TIMELESS: variants seen among roughly 807,000 people sequenced by gnomAD.
TIMELESS encodes the protein timeless circadian regulator, also known as protein timeless homolog.
Under a neutral mutation model 164.3 loss-of-function variants are expected in TIMELESS, and 124 were observed. The observed-to-expected ratio is 0.75, with a 90% CI of 0.65 to 0.88. The LOEUF is 0.88. Ranked by LOEUF, TIMELESS falls within the 40% of genes least tolerant of loss-of-function variation. The probability of loss-of-function intolerance (pLI) is 0.00; values close to 1 mark genes in which losing one functional copy is unlikely to be tolerated. For missense variants in TIMELESS, 1,422 were observed against 1,491.4 expected, an observed-to-expected ratio of 0.95 and a Z score of 0.77; for synonymous variants, 564 against 563.4, an observed-to-expected ratio of 1.00 and a Z score of -0.02.
At position 56,428,327 on chromosome 12, in the gene TIMELESS, CG is replaced by C. The variant is rs770268153; in HGVS notation, c.1486del (p.Arg496AlafsTer45). On this transcript the variant is annotated frameshift_variant, in exon 13 of 29. Transcript: ENST00000553532. LOFTEE classifies it high-confidence loss of function. ...CTCCACCAGGTCACGAAGGAAAGAG[CG>C]GGGCTGGCATCTCTCATCAAACTTT... ...FRKFDERCQP[R>X]SFLRDLVETT... 5.0e-6 allele frequency: 8 copies of C among 1,613,448 alleles called. No individual in the cohort carries two copies. Among genetic ancestry groups the C allele is most frequent in the Non-Finnish European group, 6.8e-6 (8 of 1,179,636 alleles).
In TIMELESS at chr12:56,433,567, C is replaced by G; in HGVS notation, c.337G>C (p.Val113Leu). 1 of 1,614,198 alleles carries G rather than the reference C, an allele frequency of 6.2e-7. No homozygotes were observed. Residue 113 changes from valine (V) to leucine (L), a missense_variant, in exon 4 of 29, where the codon GTG (valine) becomes CTG (leucine). Transcript: ENST00000553532. ...EPSFRHHFLQ[V>L]LTYLQAYKEA... ...TTGTAGGCCTGCAAATAAGTTAGCA[C>G]CTGCAAAAAATGGTGCCGAAAGCTG... is the stretch of plus-strand genomic sequence containing the variant.
At chr12:56,419,459 A>AGTGAGTGTGT (rs1555176393) in intron 26 of TIMELESS, among the ~76,000 whole-genome samples, 1 of 147,936 alleles carries the variant, frequency 6.8e-6, no homozygotes, top group Non-Finnish European at 1.5e-5. Context: ...AGACAGATGG[A>AGTGAGTGTGT]GTGTGTGTGT....
chr12:56,423,507 G>C (rs1881569631), intron 17 of TIMELESS, 32 bp from the exon 18 acceptor site: 1 of 1,613,418 alleles, frequency 6.2e-7, no homozygotes, highest in Non-Finnish European at 8.5e-7. Flanking sequence ...GAGGATGTCA[G>C]CATAAGGAAG....
intron 1 of TIMELESS, among the ~76,000 whole-genome samples, chr12:56,443,784 G>A (rs535620140): frequency 1.3e-5 from 2 of 152,224 alleles, no homozygotes; most frequent in Non-Finnish European, 2.9e-5. Flanking sequence ...TGACACTTAG[G>A]GAAAATAGAA....
rs73326234 is a variant in TIMELESS, at chr12:56,426,297, C to T, written c.1579-1145G>A. Reference sequence around the variant, plus strand: ...GCAAAAATACCCTTTAGCAAAGTCTCGTTGGTACTACTGCATCTTTCAAGT... The same window carrying T: ...GCAAAAATACCCTTTAGCAAAGTCTTGTTGGTACTACTGCATCTTTCAAGT... On this transcript the variant is annotated intron_variant, in intron 13 of 28. Coordinates refer to ENST00000553532, the MANE Select transcript of TIMELESS (RefSeq NM_003920.5). Among the ~76,000 whole-genome samples, 1,297 of 151,886 alleles carry T rather than the reference C, an allele frequency of 8.5e-3. 21 individuals carry two copies. The highest frequency in any genetic ancestry group is 0.029 in the African/African-American group (1,210 of 41,426).
At chr12:56,419,762 C>T (rs1194148674) in intron 26 of TIMELESS, among the ~76,000 whole-genome samples, 4 of 150,696 alleles carry the variant, frequency 2.7e-5, no homozygotes, top group African/African-American at 4.9e-5. Context: ...CACTGTAGAT[C>T]GACAATATTA....
In TIMELESS at chr12:56,447,103, G is replaced by A. The variant is rs576678521; in HGVS notation, c.-62+2207C>T. On this transcript the variant is annotated intron_variant, in intron 1 of 28. Coordinates refer to ENST00000553532, the MANE Select transcript of TIMELESS (RefSeq NM_003920.5). Reference sequence around the variant, plus strand: ...CGGCTCACTGCAACCTCCGCCTCCCGGGTTCAAGTGATTCTCCTGCCTCAG... The same window carrying A: ...CGGCTCACTGCAACCTCCGCCTCCCAGGTTCAAGTGATTCTCCTGCCTCAG... 9.6e-4 allele frequency among the ~76,000 whole-genome samples: 143 copies of A among 149,184 alleles called. 2 individuals are homozygous for A. In the Middle Eastern group the frequency reaches 0.021, roughly 22 times the overall value.
rs1868272561 is a variant in TIMELESS, at chr12:56,441,436, A to C, written c.-61-7205T>G. Among the ~76,000 whole-genome samples, 3 of 152,016 alleles carry C rather than the reference A, an allele frequency of 2.0e-5. No individual in the cohort carries two copies. The South Asian group carries it at 6.2e-4, about 32-fold the overall frequency. On this transcript the variant is annotated intron_variant, in intron 1 of 28. Coordinates refer to ENST00000553532, the MANE Select transcript of TIMELESS (RefSeq NM_003920.5). The stretch of plus-strand genomic sequence containing the variant: ...CAGGAGTTTGAGACCAGCCTGGGCA[A>C]CATAGCGAAGCCCAGTCTCCACAAA...
chr12:56,428,663 A>G lies in TIMELESS; in HGVS notation c.1305-11T>C, dbSNP rs746572164. The G allele has an allele frequency of 6.2e-7, 1 of 1,611,352 alleles. No homozygotes were observed. Among genetic ancestry groups the G allele is most frequent in the Non-Finnish European group, 8.5e-7 (1 of 1,177,620 alleles). ...AGAGCCAAGTGCATCCTGAGAGTTGACGGGAAACGGTGAAATGGAGGACAG... is the reference window on the plus strand; with the variant it reads ...AGAGCCAAGTGCATCCTGAGAGTTGGCGGGAAACGGTGAAATGGAGGACAG... On this transcript the variant is annotated splice_polypyrimidine_tract_variant and intron_variant, in intron 11 of 28. Transcript: ENST00000553532.
intron 11 of TIMELESS, 76 bp from the exon 12 acceptor site, chr12:56,428,728 C>T (rs111405393): frequency 9.0e-6 from 13 of 1,443,038 alleles, no homozygotes; most frequent in African/African-American, 7.2e-5. Flanking sequence ...CTTCCCACAG[C>T]GAAAAAAAAA....
intron 5 of TIMELESS, 110 bp downstream of exon 5, chr12:56,433,271 G>A (rs935535433): frequency 1.3e-5 from 18 of 1,401,810 alleles, no homozygotes; most frequent in Admixed American, 8.7e-5. Context: ...ACTATGGATC[G>A]GACTACCACA....
At chr12:56,446,861 T>C (rs547973160) in intron 1 of TIMELESS, among the ~76,000 whole-genome samples, 1 of 151,628 alleles carries the variant, frequency 6.6e-6, no homozygotes, top group East Asian at 1.9e-4. Flanking sequence ...GACTTCTCCA[T>C]ACAGAAGTGA....
Position 56,424,715 on chromosome 12 carries a change from T to C in TIMELESS, c.1868+47A>G, listed in dbSNP as rs771866897. The C allele has an allele frequency of 3.1e-6, 5 of 1,598,080 alleles. No homozygotes were observed. The African/African-American group carries it at 4.0e-5, about 13-fold the overall frequency. ...AGAACACTGTACCGCAGTGATGGCC[T>C]CCTCCTTCCCCCAAAGCCCAAGAGG... is the stretch of plus-strand genomic sequence containing the variant. On this transcript the variant is annotated intron_variant, in intron 15 of 28. Coordinates refer to ENST00000553532, the MANE Select transcript of TIMELESS (RefSeq NM_003920.5).
chr12:56,425,132 C>A lies in TIMELESS; in HGVS notation c.1599G>T (p.Arg533Ser), dbSNP rs372928598. Residue 533 changes from arginine to serine, a missense_variant, in exon 14 of 29, where the codon AGG (arginine) becomes AGT (serine). Arg to Ser is a moderately radical substitution (Grantham distance 110). Coordinates refer to ENST00000553532, the MANE Select transcript of TIMELESS (RefSeq NM_003920.5). ...LVVQNKQKKR[R>S]KKKKKVLDQA... ...GGTCTAGGACCTTCTTCTTCTTCTT[C>A]CTTCTCTTCTTTTGTTTGTTCTGTG... is the stretch of plus-strand genomic sequence containing the variant. The A allele has an allele frequency of 6.2e-7, 1 of 1,613,666 alleles. No homozygotes were observed. Among genetic ancestry groups the A allele is most frequent in the African/African-American group, 1.3e-5 (1 of 75,032 alleles).
rs1881271434 is a variant in TIMELESS, at chr12:56,416,718, G to A, written c.*998C>T. On this transcript the variant is annotated 3_prime_UTR_variant, in exon 29 of 29. Coordinates refer to ENST00000553532, the MANE Select transcript of TIMELESS (RefSeq NM_003920.5). ...AAGCGGAAGAAAAGGGAAGGTTGTT[G>A]GTCTTTTTTTTTTTTCTTTTTTTTT... 6.6e-6 allele frequency: 1 copy of A among 151,340 alleles called. No homozygotes were observed. Among genetic ancestry groups the A allele is most frequent in the Non-Finnish European group, 1.5e-5 (1 of 67,878 alleles). The allele number at this position is 151,340 out of a possible 1,614,324, so 9.4% of individuals were successfully genotyped here.
intron 1 of TIMELESS, among the ~76,000 whole-genome samples, chr12:56,440,089 A>G (rs11610921): frequency 0.55 from 82,928 of 150,208 alleles, 23,869 homozygotes; most frequent in African/African-American, 0.68. Flanking sequence ...AACCAAAAGA[A>G]AACAACAGAT....
rs774027 is a variant in TIMELESS, at chr12:56,428,594, T to C, written c.1363A>G (p.Ile455Val). The C allele has an allele frequency of 1.2e-6, 2 of 1,613,788 alleles. No individual in the cohort carries two copies. The highest frequency in any genetic ancestry group is 1.7e-4 in the Middle Eastern group (1 of 6,056). The change falls in exon 12 of 29, where the codon ATA (isoleucine) becomes GTA (valine). Residue 455 changes from isoleucine (I) to valine (V), a missense_variant. Physicochemically the swap from Ile to Val is conservative, Grantham distance 29. Coordinates refer to ENST00000553532, the MANE Select transcript of TIMELESS (RefSeq NM_003920.5). ...ELLATVNEMD[I>V]SPDEAVRESS... ...TCCCTCACAGCCTCATCTGGAGATA[T>C]GTCCATCTCATTCACTGTTGCCAGC...
Position 56,422,958 on chromosome 12 carries a change from T to C in TIMELESS, c.2327A>G (p.Lys776Arg), listed in dbSNP as rs746935431. ...LVTFAKYILG[K>R]FFALAAVNQK... Reference sequence around the variant, plus strand: ...GTTGACTGCAGCCAGTGCAAAAAATTTGCCCAGGATGTATTTGGCAAAAGT... The same window carrying C: ...GTTGACTGCAGCCAGTGCAAAAAATCTGCCCAGGATGTATTTGGCAAAAGT... The change falls in exon 19 of 29, where the codon AAA becomes AGA. Residue 776 changes from lysine to arginine, a missense_variant. Transcript: ENST00000553532. 5 of 1,613,898 alleles carry C rather than the reference T, an allele frequency of 3.1e-6. No individual in the cohort carries two copies. Among genetic ancestry groups the C allele is most frequent in the Non-Finnish European group, 4.2e-6 (5 of 1,179,966 alleles).
intron 1 of TIMELESS, among the ~76,000 whole-genome samples, 164 bp downstream of exon 1, chr12:56,449,146 G>A (rs940622140): frequency 1.1e-4 from 17 of 152,262 alleles, no homozygotes; most frequent in Admixed American, 9.2e-4. Context: ...GGAGACTAAG[G>A]AGCAGAGTAC....
Sources: allele counts gnomAD v4.1 joint callset (sites outside exome capture counted in the v4.1 genomes callset), GRCh38; gene constraint gnomAD v4.1.1; transcripts MANE v1.5; gene names NCBI Gene and HGNC (gene_info 2026-07-23, HGNC 2026-07-21).